The following TMEM131 variants were observed in gnomAD, a reference collection of about 807,000 sequenced individuals.
The protein encoded by TMEM131 is 2610524E03Rik.
A neutral mutation model predicts 211.6 loss-of-function variants in TMEM131; 66 were observed. That is an observed-to-expected ratio of 0.31 (90% CI 0.26 to 0.38). TMEM131 has a LOEUF of 0.38. TMEM131 is among the 10% of genes least tolerant of loss of function. The pLI is 1.00. For synonymous variants in TMEM131, 844 were observed against 841.3 expected (o/e 1.00, Z -0.06); for missense variants, 2,036 against 2,299.3 (o/e 0.89, Z 2.34).
chr2:97,908,834 T>A (rs1676179380), intron 2 of TMEM131, 136 bp from the exon 3 acceptor site: 3 of 620,052 alleles, frequency 4.8e-6, no homozygotes, highest in Non-Finnish European at 2.8e-6. Flanking sequence ...TTAAACCTGG[T>A]CTCCAAATCA....
chr2:97,798,982 C>G (rs1559366763), intron 25 of TMEM131, among the ~76,000 whole-genome samples: 2 of 152,174 alleles, frequency 1.3e-5, no homozygotes. Flanking sequence ...GTGATGCCTC[C>G]CGTATACCAT....
intron 4 of TMEM131, 169 bp downstream of exon 4, chr2:97,887,883 G>A: frequency 1.8e-6 from 1 of 563,156 alleles, no homozygotes. Context: ...ACTCCTAATA[G>A]ATACTTACTT....
At chr2:97,835,608 C>A (rs1311891514) in intron 8 of TMEM131, among the ~76,000 whole-genome samples, 1 of 152,202 alleles carries the variant, frequency 6.6e-6, no homozygotes, top group Non-Finnish European at 1.5e-5. Flanking sequence ...TCTGCACAAA[C>A]CTTTCAGCAT....
chr2:97,948,780 C>A (rs1488501857), intron 1 of TMEM131, among the ~76,000 whole-genome samples: 3 of 152,098 alleles, frequency 2.0e-5, no homozygotes, highest in Non-Finnish European at 2.9e-5. Context: ...GCCTCAGCCT[C>A]CTAAGTAGCT....
intron 25 of TMEM131, among the ~76,000 whole-genome samples, chr2:97,800,642 C>T (rs935105491): frequency 4.6e-5 from 7 of 151,022 alleles, no homozygotes. Context: ...CCTGTAATCC[C>T]GCTACTCGGG....
intron 2 of TMEM131, among the ~76,000 whole-genome samples, chr2:97,911,102 G>A (rs892467519): frequency 2.6e-5 from 4 of 152,116 alleles, no homozygotes; most frequent in Non-Finnish European, 4.4e-5. Context: ...AATGGAATAC[G>A]ACTCAGCAAT....
intron 28 of TMEM131, 80 bp from the exon 29 acceptor site, chr2:97,795,195 C>A (rs1347784840): frequency 1.5e-5 from 15 of 997,874 alleles, no homozygotes; most frequent in Non-Finnish European, 2.2e-5. Flanking sequence ...GTCCTATAAG[C>A]CTTTGAAATA....
chr2:97,859,229 A>T, intron 5 of TMEM131, 75 bp downstream of exon 5: 1 of 1,439,940 alleles, frequency 6.9e-7, no homozygotes, highest in South Asian at 1.3e-5. Context: ...TAATCACAGC[A>T]AGTTATTAAT....
chr2:97,813,942 T>TA (rs143238565), intron 15 of TMEM131, 29 bp downstream of exon 15: 106,962 of 1,519,642 alleles, frequency 0.07, 5,096 homozygotes, highest in Non-Finnish European at 0.077. Flanking sequence ...GCAGGGAGTT[T>TA]AAATGTTAAA....
intron 1 of TMEM131, among the ~76,000 whole-genome samples, chr2:97,955,298 A>G (rs1358613084): frequency 1.3e-5 from 2 of 152,206 alleles, no homozygotes; most frequent in African/African-American, 4.8e-5. Flanking sequence ...AATTCTCACT[A>G]AAATAGGAAC....
At chr2:97,891,428 A>G in intron 3 of TMEM131, among the ~76,000 whole-genome samples, 1 of 152,170 alleles carries the variant, frequency 6.6e-6, no homozygotes, top group Admixed American at 6.6e-5. Flanking sequence ...AGACATTATG[A>G]TAGCATATTG....
At chr2:97,950,185 AT>A (rs1678241862) in intron 1 of TMEM131, among the ~76,000 whole-genome samples, 1 of 152,236 alleles carries the variant, frequency 6.6e-6, no homozygotes, top group South Asian at 2.1e-4. Flanking sequence ...TAACCACTTC[AT>A]TAAAGCAGTG....
chr2:97,970,425 A>G (rs1000838347), intron 1 of TMEM131, among the ~76,000 whole-genome samples: 1 of 152,218 alleles, frequency 6.6e-6, no homozygotes, highest in Admixed American at 6.5e-5. Flanking sequence ...ATCTGCAAAC[A>G]TATCTGAAAA....
chr2:97,811,312 G>T (rs997250193), intron 17 of TMEM131, 80 bp from the exon 18 acceptor site: 1 of 1,028,102 alleles, frequency 9.7e-7, no homozygotes, highest in African/African-American at 1.6e-5. Flanking sequence ...AGGGTGTAGC[G>T]ATAAAATGAC....
intron 12 of TMEM131, among the ~76,000 whole-genome samples, 165 bp downstream of exon 12, chr2:97,818,448 C>G (rs1167399965): frequency 1.1e-5 from 1 of 94,722 alleles, no homozygotes; most frequent in Non-Finnish European, 2.0e-5. Flanking sequence ...AGTAAGAGTT[C>G]ATGATGGTTT....
At chr2:97,761,959 T>C in intron 36 of TMEM131, 76 bp downstream of exon 36, 1 of 1,434,948 alleles carries the variant, frequency 7.0e-7, no homozygotes, top group Non-Finnish European at 9.2e-7. Context: ...CCGCTAAGTG[T>C]TTCCATTTAA....
At chr2:97,810,597 C>A (rs1244956183) in intron 18 of TMEM131, among the ~76,000 whole-genome samples, 2 of 152,154 alleles carry the variant, frequency 1.3e-5, no homozygotes, top group Non-Finnish European at 2.9e-5. Flanking sequence ...GGCAGAAATA[C>A]ATCCATTCAA....
Position 97,800,558 on chromosome 2 carries a change from T to C in TMEM131, c.2718+1337A>G, listed in dbSNP as rs1036494049. 3.5e-5 allele frequency among the ~76,000 whole-genome samples: 5 copies of C among 140,854 alleles called. No individual in the cohort carries two copies. In the East Asian group the frequency reaches 9.8e-4, roughly 28 times the overall value. The allele number at this position is 140,854 out of a possible 152,430, so 92.4% of individuals were successfully genotyped here. On this transcript the variant is annotated intron_variant, in intron 25 of 40. Transcript: ENST00000186436. ...TGAGGTCAGGAGTTTGAAACTAGCC[T>C]GGCCAACATGGTGAAACCCCGGCTC...
intron 3 of TMEM131, among the ~76,000 whole-genome samples, chr2:97,892,428 A>G (rs967199538): frequency 2.0e-5 from 3 of 152,110 alleles, no homozygotes; most frequent in African/African-American, 4.8e-5. Context: ...TGGTCCAATC[A>G]TGGGTCACTG....
Sources: allele counts gnomAD v4.1 joint callset (sites outside exome capture counted in the v4.1 genomes callset), GRCh38; gene constraint gnomAD v4.1.1; transcripts MANE v1.5; gene names NCBI Gene and HGNC (gene_info 2026-07-23, HGNC 2026-07-21).